The following ADIPOR2 variants were observed in gnomAD, a reference collection of about 807,000 sequenced individuals.
ADIPOR2 encodes the protein adiponectin receptor 2.
Under a neutral mutation model 40.9 loss-of-function variants are expected in ADIPOR2, and 18 were observed. The observed-to-expected ratio is 0.44, with a 90% CI of 0.30 to 0.65. The LOEUF (loss-of-function observed/expected upper bound fraction) is 0.65. ADIPOR2 is among the 30% of genes least tolerant of loss of function. The probability of loss-of-function intolerance (pLI) is 0.09; values close to 1 mark genes in which losing one functional copy is unlikely to be tolerated. For missense variants in ADIPOR2, 283 were observed against 479.2 expected, an observed-to-expected ratio of 0.59 and a Z score of 3.82; for synonymous variants, 165 against 166.4, an observed-to-expected ratio of 0.99 and a Z score of 0.06.
intron 1 of ADIPOR2, among the ~76,000 whole-genome samples, chr12:1,698,206 TTG>T (rs35927419): frequency 0.39 from 57,893 of 147,816 alleles, 11,594 homozygotes; most frequent in Non-Finnish European, 0.45. Context: ...TCTTGGCTGA[TTG>T]TGTGTGTGTG....
chr12:1,702,841 G>A (rs1017003524), intron 1 of ADIPOR2: 7 of 152,142 alleles, frequency 4.6e-5, no homozygotes, highest in Admixed American at 1.3e-4. Context: ...TCACTCTGTG[G>A]TTCTCCTCAT....
intron 1 of ADIPOR2, among the ~76,000 whole-genome samples, chr12:1,734,613 T>G (rs1325271764): frequency 2.0e-5 from 3 of 152,234 alleles, no homozygotes; most frequent in African/African-American, 7.2e-5. Context: ...CTCTTTAGTT[T>G]AATTAGATCC....
rs1208393203 is a variant in ADIPOR2, at chr12:1,757,227, C to G, written c.171+2713C>G. ...AAGATCTAACATGTCACCCAGGGAC[C>G]ATTTCACCCACTGCTCTGTTTGGTC... On this transcript the variant is annotated intron_variant, in intron 2 of 7. Transcript: ENST00000357103. 5 of 506,236 alleles carry G rather than the reference C, an allele frequency of 9.9e-6. No individual in the cohort carries two copies. In the East Asian group the frequency reaches 1.7e-4, roughly 18 times the overall value. The allele number at this position is 506,236 out of a possible 1,614,324, so 31.4% of individuals were successfully genotyped here.
chr12:1,777,828 G>A, intron 3 of ADIPOR2, 26 bp from the exon 4 acceptor site: 2 of 1,595,054 alleles, frequency 1.3e-6, no homozygotes, highest in Non-Finnish European at 8.6e-7. Context: ...AAATCACAAA[G>A]ATGTTTGATA....
At chr12:1,771,680 A>C (rs1282174684) in intron 2 of ADIPOR2, among the ~76,000 whole-genome samples, 1 of 152,194 alleles carries the variant, frequency 6.6e-6, no homozygotes, top group Non-Finnish European at 1.5e-5. Context: ...GAAAATTAAA[A>C]TCTCAGAATT....
Position 1,754,491 on chromosome 12 carries a change from G to C in ADIPOR2, c.148G>C (p.Val50Leu). The change falls in exon 2 of 8, where the codon GTT (valine) becomes CTT (leucine). Residue 50 changes from valine to leucine, a missense_variant. By Grantham distance (32) the Val-to-Leu change is conservative. Coordinates refer to ENST00000357103, the MANE Select transcript of ADIPOR2 (RefSeq NM_024551.3). Reference sequence around the variant, plus strand: ...TTTGGAGCCCATTTTAGAGGCATCTGTTCTATCTTCCCATCATAAAAAAGT... The same window carrying C: ...TTTGGAGCCCATTTTAGAGGCATCTCTTCTATCTTCCCATCATAAAAAAGT... ...GDLEPILEAS[V>L]LSSHHKKSSE... 3 of 1,608,308 alleles carry C rather than the reference G, an allele frequency of 1.9e-6. No homozygotes were observed. Among genetic ancestry groups the C allele is most frequent in the Non-Finnish European group, 2.5e-6 (3 of 1,177,874 alleles).
intron 1 of ADIPOR2, among the ~76,000 whole-genome samples, chr12:1,748,746 C>G (rs546054258): frequency 3.1e-4 from 47 of 152,030 alleles, no homozygotes; most frequent in Non-Finnish European, 6.2e-4. Flanking sequence ...GAAAAACTCT[C>G]CTCAAACTGT....
chr12:1,746,829 A>C (rs999198133), intron 1 of ADIPOR2, among the ~76,000 whole-genome samples: 2 of 152,204 alleles, frequency 1.3e-5, no homozygotes, highest in Non-Finnish European at 2.9e-5. Flanking sequence ...CAGGAGTTTG[A>C]GACCAGCTTG....
chr12:1,724,760 G>T (rs1464535191), intron 1 of ADIPOR2, among the ~76,000 whole-genome samples: 1 of 151,990 alleles, frequency 6.6e-6, no homozygotes, highest in Non-Finnish European at 1.5e-5. Flanking sequence ...GCACGATCAC[G>T]GCTCACTGTA....
At chr12:1,741,706 T>C (rs1250988270) in intron 1 of ADIPOR2, among the ~76,000 whole-genome samples, 1 of 152,216 alleles carries the variant, frequency 6.6e-6, no homozygotes, top group Non-Finnish European at 1.5e-5. Flanking sequence ...GAGAATGCCT[T>C]TGGGACACAT....
In ADIPOR2 at chr12:1,767,711, G is replaced by A. The variant is rs1334602669; in HGVS notation, c.172-5131G>A. Among the ~76,000 whole-genome samples the A allele has an allele frequency of 2.0e-5, 3 of 152,286 alleles. No individual in the cohort carries two copies. In the East Asian group the frequency reaches 5.8e-4, roughly 29 times the overall value. ...AACACTGCCCTAAAGAGTCCTAGAA[G>A]TATTTCAGAAAGAAAGTATTGGATA... On this transcript the variant is annotated intron_variant, in intron 2 of 7. Coordinates refer to ENST00000357103, the MANE Select transcript of ADIPOR2 (RefSeq NM_024551.3).
At chr12:1,748,021 A>G (rs2094759529) in intron 1 of ADIPOR2, among the ~76,000 whole-genome samples, 1 of 151,582 alleles carries the variant, frequency 6.6e-6, no homozygotes, top group Non-Finnish European at 1.5e-5. Flanking sequence ...CCCCTCTACC[A>G]CTTTTTCTCC....
At chr12:1,698,193 C>G (rs1372867277) in intron 1 of ADIPOR2, 1 of 148,878 alleles carries the variant, frequency 6.7e-6, no homozygotes, top group Non-Finnish European at 1.5e-5. Context: ...GCAGGTGGTG[C>G]TGTCTTGGCT....
intron 7 of ADIPOR2, among the ~76,000 whole-genome samples, chr12:1,785,653 A>G (rs1862814325): frequency 1.3e-5 from 1 of 78,014 alleles, no homozygotes; most frequent in Non-Finnish European, 3.7e-5. Flanking sequence ...TTAGCAAGAG[A>G]GTCTGTGTGT....
intron 1 of ADIPOR2, among the ~76,000 whole-genome samples, chr12:1,718,731 A>T (rs2094692363): frequency 6.6e-6 from 1 of 152,188 alleles, no homozygotes; most frequent in Non-Finnish European, 1.5e-5. Flanking sequence ...GGGTACAATA[A>T]GAGACCAGCA....
At chr12:1,698,206 T>TTG (rs35927419) in intron 1 of ADIPOR2, among the ~76,000 whole-genome samples, 2,084 of 148,178 alleles carry the variant, frequency 0.014, 22 homozygotes, top group South Asian at 0.021. Flanking sequence ...TCTTGGCTGA[T>TTG]TGTGTGTGTG....
chr12:1,703,190 C>T (rs2094654008), intron 1 of ADIPOR2, among the ~76,000 whole-genome samples: 1 of 152,128 alleles, frequency 6.6e-6, no homozygotes, highest in Non-Finnish European at 1.5e-5. Context: ...TAAGCTAGAG[C>T]TATACGTTGT....
chr12:1,769,369 C>T (rs7294668), intron 2 of ADIPOR2, among the ~76,000 whole-genome samples: 83,976 of 152,000 alleles, frequency 0.55, 23,856 homozygotes, highest in African/African-American at 0.68. Flanking sequence ...ACCCACACCA[C>T]GTGGATACCG....
intron 1 of ADIPOR2, among the ~76,000 whole-genome samples, chr12:1,733,572 G>A (rs1183434605): frequency 6.6e-6 from 1 of 151,924 alleles, no homozygotes; most frequent in East Asian, 1.9e-4. Flanking sequence ...TTACAGGTTT[G>A]GAAAATATAT....
Sources: gnomAD v4.1 joint callset for allele counts (sites outside exome capture counted in the v4.1 genomes callset) on GRCh38, gnomAD v4.1.1 for gene constraint, MANE v1.5 for transcripts, NCBI Gene and HGNC (gene_info 2026-07-23, HGNC 2026-07-21) for gene names.